The following BTBD9 variants were observed in gnomAD, a reference collection of about 807,000 sequenced individuals.
The protein encoded by BTBD9 is BTB/POZ domain-containing protein 9.
A neutral mutation model predicts 64.3 loss-of-function variants in BTBD9; 49 were observed. The ratio of observed to expected loss-of-function variants is 0.76; its 90% confidence interval spans 0.61 to 0.97. The LOEUF (loss-of-function observed/expected upper bound fraction) is 0.97, where lower values mean the gene tolerates loss of function less well. Among genes scored for constraint, BTBD9 ranks in the 50% least tolerant of loss-of-function variants. The probability of loss-of-function intolerance (pLI) is 0.00; values close to 1 mark genes in which losing one functional copy is unlikely to be tolerated. For synonymous variants in BTBD9, 260 were observed against 274.7 expected, an observed-to-expected ratio of 0.95 and a Z score of 0.53; for missense variants, 598 against 762.1, an observed-to-expected ratio of 0.78 and a Z score of 2.53.
At position 38,629,948 on chromosome 6, in the gene BTBD9, C is replaced by T. The variant is rs555369288; in HGVS notation, c.-28+9852G>A. Among the ~76,000 whole-genome samples the T allele has an allele frequency of 3.3e-5, 5 of 152,144 alleles. No homozygotes were observed. The East Asian group carries it at 9.7e-4, about 29-fold the overall frequency. On this transcript the variant is annotated intron_variant, in intron 1 of 10. Coordinates refer to ENST00000481247, the MANE Select transcript of BTBD9 (RefSeq NM_001099272.2). ...CCAGGCCAGGCGTGGTGGCTCATGC[C>T]TGTAATACCAACACTTTGGGAGGCC...
intron 6 of BTBD9, among the ~76,000 whole-genome samples, chr6:38,444,459 A>G (rs1044246765): frequency 5.3e-5 from 8 of 152,238 alleles, no homozygotes; most frequent in African/African-American, 1.4e-4. Flanking sequence ...TATAGCATAT[A>G]GAATAATTAG....
intron 1 of BTBD9, among the ~76,000 whole-genome samples, chr6:38,610,245 C>T (rs974648415): frequency 1.3e-5 from 2 of 152,136 alleles, no homozygotes; most frequent in Admixed American, 1.3e-4. Flanking sequence ...AACCAAGAAG[C>T]TTATGTTTTA....
intron 6 of BTBD9, among the ~76,000 whole-genome samples, chr6:38,375,127 T>A (rs9470864): frequency 0.038 from 5,761 of 152,244 alleles, 361 homozygotes; most frequent in African/African-American, 0.13. Context: ...CAGGACTAGA[T>A]AAGTGCCAGG....
At chr6:38,496,859 T>C (rs1771984071) in intron 6 of BTBD9, among the ~76,000 whole-genome samples, 1 of 152,204 alleles carries the variant, frequency 6.6e-6, no homozygotes, top group Non-Finnish European at 1.5e-5. Context: ...ACAGCCATCA[T>C]GCCTTCCCTT....
intron 6 of BTBD9, among the ~76,000 whole-genome samples, chr6:38,420,386 T>G (rs2127275292): frequency 6.6e-6 from 1 of 152,224 alleles, no homozygotes; most frequent in African/African-American, 2.4e-5. Flanking sequence ...CATGGGGTAA[T>G]AGCAGCAGTG....
At chr6:38,201,011 C>A (rs1276907140) in intron 9 of BTBD9, among the ~76,000 whole-genome samples, 1 of 142,182 alleles carries the variant, frequency 7.0e-6, no homozygotes, top group African/African-American at 2.5e-5. Context: ...CAGAGCAAGA[C>A]CCTGTCTATA....
chr6:38,542,855 G>GA (rs1253322626), intron 6 of BTBD9, among the ~76,000 whole-genome samples: 1 of 152,110 alleles, frequency 6.6e-6, no homozygotes, highest in Non-Finnish European at 1.5e-5. Flanking sequence ...TGCTTATAAG[G>GA]ATCTGTTTAA....
At chr6:38,519,511 G>A (rs1411309869) in intron 6 of BTBD9, among the ~76,000 whole-genome samples, 1 of 152,118 alleles carries the variant, frequency 6.6e-6, no homozygotes, top group Non-Finnish European at 1.5e-5. Flanking sequence ...TCCTTGTACT[G>A]TAAAGTATAC....
intron 6 of BTBD9, among the ~76,000 whole-genome samples, chr6:38,547,290 C>G (rs115051479): frequency 6.6e-6 from 1 of 152,050 alleles, no homozygotes; most frequent in Non-Finnish European, 1.5e-5. Flanking sequence ...ATTAGCTGGG[C>G]GTGGTGGCAC....
At chr6:38,204,101 G>A (rs1436893588) in intron 9 of BTBD9, among the ~76,000 whole-genome samples, 2 of 152,092 alleles carry the variant, frequency 1.3e-5, no homozygotes, top group Non-Finnish European at 2.9e-5. Context: ...GAAGAAACTG[G>A]AACCCCTATA....
chr6:38,580,136 A>T, intron 5 of BTBD9, 82 bp downstream of exon 5: 1 of 1,304,890 alleles, frequency 7.7e-7, no homozygotes. Flanking sequence ...AAACCATCAT[A>T]TCTGTAAAAC....
At chr6:38,367,763 G>T (rs1204963701) in intron 6 of BTBD9, among the ~76,000 whole-genome samples, 1 of 117,998 alleles carries the variant, frequency 8.5e-6, no homozygotes, top group Non-Finnish European at 1.6e-5. Context: ...AAGCAATTAT[G>T]TATATCATCT....
In BTBD9 at chr6:38,490,916, G is replaced by A. The variant is rs139789945; in HGVS notation, c.1154+86684C>T. Reference sequence around the variant, plus strand: ...AGTGCATAGATTTTTCCCAGAAAAGGCACCAGGTAATCTGACTGTGACTTC... The same window carrying A: ...AGTGCATAGATTTTTCCCAGAAAAGACACCAGGTAATCTGACTGTGACTTC... On this transcript the variant is annotated intron_variant, in intron 6 of 10. Transcript: ENST00000481247. Among the ~76,000 whole-genome samples the A allele has an allele frequency of 4.8e-3, 731 of 152,244 alleles. 5 individuals carry two copies. Among genetic ancestry groups the A allele is most frequent in the Non-Finnish European group, 6.0e-3 (409 of 68,020 alleles).
chr6:38,231,472 C>T (rs1489129847), intron 9 of BTBD9, among the ~76,000 whole-genome samples: 2 of 152,176 alleles, frequency 1.3e-5, no homozygotes, highest in African/African-American at 4.8e-5. Context: ...ATGGCAATGT[C>T]TCTAACTCCT....
At chr6:38,214,445 A>G (rs769104070) in intron 9 of BTBD9, among the ~76,000 whole-genome samples, 12 of 152,386 alleles carry the variant, frequency 7.9e-5, no homozygotes, top group Non-Finnish European at 1.3e-4. Flanking sequence ...AAGTACATAC[A>G]TTAAGTTAAA....
At chr6:38,236,908 CAAAG>C (rs1281248208) in intron 9 of BTBD9, among the ~76,000 whole-genome samples, 2 of 152,162 alleles carry the variant, frequency 1.3e-5, no homozygotes, top group African/African-American at 4.8e-5. Context: ...ATCTGGGAAA[CAAAG>C]AACTGTGAGA....
At chr6:38,269,468 T>C (rs546310053) in intron 8 of BTBD9, among the ~76,000 whole-genome samples, 2 of 152,276 alleles carry the variant, frequency 1.3e-5, no homozygotes, top group East Asian at 3.9e-4. Flanking sequence ...TCTTCAAAGC[T>C]GGGATCACAA....
chr6:38,225,841 G>A (rs1763376615), intron 9 of BTBD9, among the ~76,000 whole-genome samples: 1 of 152,180 alleles, frequency 6.6e-6, no homozygotes, highest in Admixed American at 6.6e-5. Flanking sequence ...TCTGATGTTT[G>A]TATAGAGTTT....
At chr6:38,240,218 A>G (rs896128168) in intron 9 of BTBD9, among the ~76,000 whole-genome samples, 3 of 152,142 alleles carry the variant, frequency 2.0e-5, no homozygotes, top group African/African-American at 7.2e-5. Flanking sequence ...ACTCCCATAA[A>G]TGTTATCCCT....
Sources: allele counts gnomAD v4.1 joint callset (sites outside exome capture counted in the v4.1 genomes callset), GRCh38; gene constraint gnomAD v4.1.1; transcripts MANE v1.5; gene names NCBI Gene and HGNC (gene_info 2026-07-23, HGNC 2026-07-21).